Variants in CYTH3 observed in about 807,000 individuals in gnomAD.
The protein encoded by CYTH3 is cytohesin-3.
CYTH3 carries 23 observed loss-of-function variants against 55.1 expected under a neutral mutation model. The observed-to-expected ratio is 0.42, with a 90% confidence interval of 0.30 to 0.59. The LOEUF (loss-of-function observed/expected upper bound fraction) is 0.59, where lower values mean the gene tolerates loss of function less well. Among genes scored for constraint, CYTH3 ranks in the 20% least tolerant of loss-of-function variants. CYTH3 has a pLI of 0.20. For synonymous variants in CYTH3, 249 were observed against 194.9 expected (o/e 1.28, Z -2.31); for missense variants, 413 against 524.8 (o/e 0.79, Z 2.08).
At chr7:6,244,135 G>A (rs956134101) in intron 1 of CYTH3, among the ~76,000 whole-genome samples, 7 of 152,152 alleles carry the variant, frequency 4.6e-5, no homozygotes, top group African/African-American at 1.7e-4. Flanking sequence ...TGTATCTGAT[G>A]CATTTTGTCC....
intron 2 of CYTH3, among the ~76,000 whole-genome samples, chr7:6,189,926 C>T (rs1562887742): frequency 6.6e-6 from 1 of 152,004 alleles, no homozygotes; most frequent in Non-Finnish European, 1.5e-5. Flanking sequence ...ATCTCAGATA[C>T]TCAGGAGACT....
At chr7:6,166,753 T>TCCCTCTGGGA (rs1213264675) in intron 9 of CYTH3, among the ~76,000 whole-genome samples, 1 of 152,082 alleles carries the variant, frequency 6.6e-6, no homozygotes, top group East Asian at 1.9e-4. Flanking sequence ...GTCTCTGCAG[T>TCCCTCTGGGA]CCCTCTGGGA....
chr7:6,165,316 C>T lies in CYTH3; in HGVS notation c.1084G>A (p.Ala362Thr). 1 of 1,614,064 alleles carries T rather than the reference C, an allele frequency of 6.2e-7. No homozygotes were observed. The highest frequency in any genetic ancestry group is 8.5e-7 in the Non-Finnish European group (1 of 1,179,992). The part of the protein sequence containing the change: ...EGNHVVYRIS[A>T]PSPEEKEEWM... Reference sequence around the variant, plus strand: ...TCCTCCTTCTCCTCCGGGCTCGGGGCTGAGATCCGGTACACCACATGGTTC... The same window carrying T: ...TCCTCCTTCTCCTCCGGGCTCGGGGTTGAGATCCGGTACACCACATGGTTC... Residue 362 changes from alanine to threonine, a missense_variant, in exon 12 of 13, where the codon GCC becomes ACC. This residue lies in a region of CYTH3 where 98 missense variants were observed against 115.2 expected (regional missense o/e 0.85). Coordinates refer to ENST00000350796, the MANE Select transcript of CYTH3 (RefSeq NM_004227.4).
intron 1 of CYTH3, among the ~76,000 whole-genome samples, chr7:6,227,153 G>A (rs1475861378): frequency 6.7e-6 from 1 of 150,230 alleles, no homozygotes; most frequent in Non-Finnish European, 1.5e-5. Flanking sequence ...TGAAATGATA[G>A]AAGAGGCTTT....
chr7:6,235,661 A>G (rs1398164323), intron 1 of CYTH3, among the ~76,000 whole-genome samples: 1 of 152,128 alleles, frequency 6.6e-6, no homozygotes, highest in Non-Finnish European at 1.5e-5. Flanking sequence ...ACACTGAAAT[A>G]AAAAATACAA....
At chr7:6,263,147 C>T (rs1034148655) in intron 1 of CYTH3, among the ~76,000 whole-genome samples, 3 of 152,112 alleles carry the variant, frequency 2.0e-5, no homozygotes, top group Admixed American at 6.5e-5. Context: ...AGCTCACTTA[C>T]GAGAAACCTT....
At chr7:6,187,024 C>G (rs763729714) in intron 4 of CYTH3, 26 bp downstream of exon 4, 1 of 1,610,210 alleles carries the variant, frequency 6.2e-7, no homozygotes, top group South Asian at 1.1e-5. Flanking sequence ...CTCCTGCAGG[C>G]CAGAAAAGGG....
intron 1 of CYTH3, among the ~76,000 whole-genome samples, chr7:6,224,803 A>T (rs1779198834): frequency 6.6e-6 from 1 of 152,234 alleles, no homozygotes; most frequent in Non-Finnish European, 1.5e-5. Context: ...GGTGGAAACA[A>T]ACCAAATGTC....
chr7:6,179,692 ACACACACACCC>A (rs1375332861), intron 4 of CYTH3, among the ~76,000 whole-genome samples: 162 of 41,826 alleles, frequency 3.9e-3, no homozygotes, highest in East Asian at 0.023. Context: ...ACACCCCCCC[ACACACACACCC>A]CACACACACC....
rs983628945 is a variant in CYTH3 at position 6,169,787 on chromosome 7, G to A, written c.823+748C>T. On this transcript the variant is annotated intron_variant, in intron 9 of 12. Transcript: ENST00000350796. The surrounding 1 kb of genome is among the most constrained non-coding windows in gnomAD (Gnocchi z 4.1). ...TTAGTATGGGGTGGAGGGTGACGCC[G>A]CAGGGACAGGGCTGGCTGTCTGCTT... Among the ~76,000 whole-genome samples, 7 of 152,132 alleles carry A rather than the reference G, an allele frequency of 4.6e-5. No homozygotes were observed. Among genetic ancestry groups the A allele is most frequent in the Admixed American group, 1.3e-4 (2 of 15,276 alleles).
At position 6,162,801 on chromosome 7, in the gene CYTH3, G is replaced by GA. The variant is rs1253501886; in HGVS notation, c.*2142dup. ...GCTGCTTCTCCCAACACCCAAAACA[G>GA]AAAGCTCTGCATCCCCAGGTCACAC... On this transcript the variant is annotated 3_prime_UTR_variant, in exon 13 of 13. Coordinates refer to ENST00000350796, the MANE Select transcript of CYTH3 (RefSeq NM_004227.4). 1 of 152,552 alleles carries GA rather than the reference G, an allele frequency of 6.6e-6. No homozygotes were observed. The highest frequency in any genetic ancestry group is 1.5e-5 in the Non-Finnish European group (1 of 68,088). 9.4% of individuals were successfully genotyped at this position (152,552 alleles called of 1,614,324 possible).
chr7:6,256,055 G>T (rs188716440), intron 1 of CYTH3, among the ~76,000 whole-genome samples: 1 of 152,070 alleles, frequency 6.6e-6, no homozygotes, highest in Non-Finnish European at 1.5e-5. Flanking sequence ...GAGCCATTGC[G>T]CCCGGCCAAC....
chr7:6,179,875 C>T (rs1319519508), intron 4 of CYTH3, among the ~76,000 whole-genome samples: 1 of 85,296 alleles, frequency 1.2e-5, no homozygotes, highest in Non-Finnish European at 2.3e-5. Context: ...CACCCACACA[C>T]ACCACACACA....
chr7:6,251,981 C>T (rs945965436), intron 1 of CYTH3, among the ~76,000 whole-genome samples: 7 of 152,212 alleles, frequency 4.6e-5, no homozygotes, highest in East Asian at 1.9e-4. Context: ...ATGATCATTA[C>T]ATTGATCATA....
At chr7:6,165,887 GCA>G in intron 9 of CYTH3, 77 bp from the exon 10 acceptor site, 1 of 1,427,746 alleles carries the variant, frequency 7.0e-7, no homozygotes, top group Non-Finnish European at 9.8e-7. Flanking sequence ...CCCTGGACCT[GCA>G]CAGACCACTG....
intron 1 of CYTH3, 64 bp downstream of exon 1, chr7:6,272,410 G>GGGGGGGGGGGGCCCC: frequency 8.2e-7 from 1 of 1,216,618 alleles, no homozygotes; most frequent in Non-Finnish European, 1.1e-6. Flanking sequence ...CCGCGCCCTC[G>GGGGGGGGGGGGCCCC]ACCCCCAGCC....
At position 6,187,096 on chromosome 7, in the gene CYTH3, T is replaced by C. The variant is rs2128543157; in HGVS notation, c.203A>G (p.Lys68Arg). ...TTTCTTTCTTCCCATGGCTATCTGT[T>C]TGTTCCTCTGAGTCGTTTTGCTATT... ...VEESKTTQRN[K>R]QIAMGRKKFN... Residue 68 changes from lysine to arginine, a missense_variant, in exon 4 of 13, where the codon AAA (lysine) becomes AGA (arginine). By Grantham distance (26) the Lys-to-Arg change is conservative (BLOSUM62 2). Around this residue, in one of 4 missense-constraint regions of CYTH3, gnomAD observed 152 missense variants for 148.1 expected, o/e 1.03. Transcript: ENST00000350796. 6.2e-7 allele frequency: 1 copy of C among 1,614,204 alleles called. No individual in the cohort carries two copies. Among genetic ancestry groups the C allele is most frequent in the South Asian group, 1.1e-5 (1 of 91,082 alleles).
chr7:6,172,955 G>A, intron 6 of CYTH3: 2 of 1,146,600 alleles, frequency 1.7e-6, no homozygotes, highest in South Asian at 1.7e-5. Flanking sequence ...CGAGAACAAG[G>A]TATGAAGCCG....
rs1491219669 is a variant in CYTH3, at chr7:6,259,772, T to TAGA, written c.34+12701_34+12702insTCT. ...TATATATATATTATATATATATATA[T>TAGA]TATATATATATAATATATATATATA... On this transcript the variant is annotated intron_variant, in intron 1 of 12. Transcript: ENST00000350796. Among the ~76,000 whole-genome samples the TAGA allele has an allele frequency of 3.6e-4, 11 of 30,498 alleles. 1 individual carries two copies. The highest frequency in any genetic ancestry group is 3.1e-3 in the African/African-American group (10 of 3,210). The allele number at this position is 30,498 out of a possible 152,430, so 20.0% of individuals were successfully genotyped here.
Sources: allele counts gnomAD v4.1 joint callset (sites outside exome capture counted in the v4.1 genomes callset), GRCh38; gene constraint gnomAD v4.1.1; regional missense constraint gnomAD v4.1.1; non-coding constraint Gnocchi (gnomAD v3.1); transcripts MANE v1.5; gene names NCBI Gene and HGNC (gene_info 2026-07-23, HGNC 2026-07-21).